The following AGAP1 variants were observed in gnomAD, a reference collection of about 807,000 sequenced individuals.
AGAP1 encodes the protein arf-GAP with GTPase, ANK repeat and PH domain-containing protein 1.
In AGAP1, 29 loss-of-function variants were observed where a neutral mutation model predicts 105.3. The observed-to-expected ratio is 0.28, with a 90% CI of 0.21 to 0.38. The LOEUF (loss-of-function observed/expected upper bound fraction) is 0.38, where lower values mean the gene tolerates loss of function less well. Among genes scored for constraint, AGAP1 ranks in the 10% least tolerant of loss-of-function variants. AGAP1 has a pLI of 1.00. For missense variants in AGAP1, 998 were observed against 1,165.1 expected (o/e 0.86, Z 2.09); for synonymous variants, 509 against 485.9 (o/e 1.05, Z -0.63).
At chr2:235,508,111 T>C (rs2149019596) in intron 1 of AGAP1, among the ~76,000 whole-genome samples, 1 of 152,246 alleles carries the variant, frequency 6.6e-6, no homozygotes, top group East Asian at 1.9e-4. Flanking sequence ...CAGGGCGTGA[T>C]CTCATTCTTT....
intron 1 of AGAP1, among the ~76,000 whole-genome samples, chr2:235,514,179 CACACAT>C (rs754148297): frequency 8.9e-4 from 136 of 152,338 alleles, no homozygotes; most frequent in Non-Finnish European, 1.6e-3. Flanking sequence ...CACACACACA[CACACAT>C]ACCTCCTCTC....
chr2:236,068,771 G>A lies in AGAP1; in HGVS notation c.2114+19490G>A, dbSNP rs1407398016. On this transcript the variant is annotated intron_variant, in intron 16 of 17. Transcript: ENST00000304032. Reference sequence around the variant, plus strand: ...GCCAAGATCGCGCCACTGCACTCCAGCCTGGGCGACAGCGAGACTCCGTCT... The same window carrying A: ...GCCAAGATCGCGCCACTGCACTCCAACCTGGGCGACAGCGAGACTCCGTCT... 2.1e-4 allele frequency among the ~76,000 whole-genome samples: 28 copies of A among 134,962 alleles called. No individual in the cohort carries two copies. The Admixed American group carries it at 2.3e-3, about 11-fold the overall frequency. The allele number at this position is 134,962 out of a possible 152,430, so 88.5% of individuals were successfully genotyped here. A position where few individuals can be genotyped will look rare whatever the true frequency, so the allele number is the denominator to read the frequency against.
intron 1 of AGAP1, among the ~76,000 whole-genome samples, chr2:235,532,544 A>G (rs1488845668): frequency 6.6e-6 from 1 of 152,192 alleles, no homozygotes; most frequent in Non-Finnish European, 1.5e-5. Context: ...TGTATCACAT[A>G]TGCAGTGGTT....
chr2:235,744,005 G>A lies in AGAP1; in HGVS notation c.397-693G>A, dbSNP rs1245781146. Among the ~76,000 whole-genome samples, 1 of 152,220 alleles carries A rather than the reference G, an allele frequency of 6.6e-6. No homozygotes were observed. Among genetic ancestry groups the A allele is most frequent in the Non-Finnish European group, 1.5e-5 (1 of 68,042 alleles). ...GGTATCTGTCAAAAGAGGATGTGAT[G>A]TAGGTTCAACTGGCAAGACAAGAAT... On this transcript the variant is annotated intron_variant, in intron 4 of 17. Coordinates refer to ENST00000304032, the MANE Select transcript of AGAP1 (RefSeq NM_001037131.3). This position sits in a 1 kb window ranked among gnomAD's most constrained non-coding sequence, Gnocchi z 5.2.
In AGAP1 at chr2:235,988,848, G is replaced by A. The variant is rs924574421; in HGVS notation, c.1645+20225G>A. Among the ~76,000 whole-genome samples the A allele has an allele frequency of 2.0e-5, 3 of 152,080 alleles. No homozygotes were observed. Among genetic ancestry groups the A allele is most frequent in the Non-Finnish European group, 4.4e-5 (3 of 68,008 alleles). On this transcript the variant is annotated intron_variant, in intron 13 of 17. Coordinates refer to ENST00000304032, the MANE Select transcript of AGAP1 (RefSeq NM_001037131.3). The surrounding 1 kb of genome is among the most constrained non-coding windows in gnomAD (Gnocchi z 4.7). ...GACTGGGCGTCACTGTCGCCTCCTT[G>A]ACTCTCATCACTCACATGGTCCCCC...
chr2:235,803,172 GTGGTGATGGTGATGATGGTTGTGGTGGTA>G, intron 8 of AGAP1, among the ~76,000 whole-genome samples: 1 of 137,500 alleles, frequency 7.3e-6, no homozygotes, highest in Non-Finnish European at 1.6e-5. Context: ...GGTTGTGGTT[GTGGTGATGGTGATGATGGTTGTGGTGGTA>G]GTGGTGGTGG....
At chr2:235,803,160 ATGGTTG>A (rs1438906523) in intron 8 of AGAP1, among the ~76,000 whole-genome samples, 11 of 143,536 alleles carry the variant, frequency 7.7e-5, no homozygotes, top group Non-Finnish European at 6.1e-5. Context: ...GATGGTGATG[ATGGTTG>A]TGGTTGTGGT....
chr2:235,567,547 G>C (rs953831715), intron 1 of AGAP1, among the ~76,000 whole-genome samples: 1 of 152,238 alleles, frequency 6.6e-6, no homozygotes, highest in Non-Finnish European at 1.5e-5. Context: ...TATGGGAGCT[G>C]TCTTTTCATG....
intron 13 of AGAP1, among the ~76,000 whole-genome samples, chr2:236,034,463 G>A (rs2057319769): frequency 6.6e-6 from 1 of 152,014 alleles, no homozygotes; most frequent in Non-Finnish European, 1.5e-5. Flanking sequence ...GCGGGGGTGG[G>A]GTGGTCATTT....
At chr2:236,110,271 G>A (rs1057257284) in intron 16 of AGAP1, among the ~76,000 whole-genome samples, 4 of 152,168 alleles carry the variant, frequency 2.6e-5, no homozygotes, top group Non-Finnish European at 5.9e-5. Context: ...CAAGGTGGGA[G>A]GATTGCTTGA....
rs897354463 is a variant in AGAP1, at chr2:235,716,092, A to C, written c.223-1465A>C. On this transcript the variant is annotated intron_variant, in intron 2 of 17. Coordinates refer to ENST00000304032, the MANE Select transcript of AGAP1 (RefSeq NM_001037131.3). This position sits in a 1 kb window ranked among gnomAD's most constrained non-coding sequence, Gnocchi z 4.0. Reference sequence around the variant, plus strand: ...TTTTTCCCCCCACATCCAACCTTCTATCAATGAGTTATGATTCCAGAGTCT... The same window carrying C: ...TTTTTCCCCCCACATCCAACCTTCTCTCAATGAGTTATGATTCCAGAGTCT... Among the ~76,000 whole-genome samples the C allele has an allele frequency of 3.3e-5, 5 of 152,186 alleles. No homozygotes were observed. Among genetic ancestry groups the C allele is most frequent in the Non-Finnish European group, 5.9e-5 (4 of 68,032 alleles).
At chr2:235,673,937 C>T (rs1948580224) in intron 1 of AGAP1, among the ~76,000 whole-genome samples, 2 of 152,182 alleles carry the variant, frequency 1.3e-5, no homozygotes, top group South Asian at 4.1e-4. Context: ...GAGTTAATTG[C>T]TTAGGCAAGG....
At chr2:235,653,501 T>A (rs200291929) in intron 1 of AGAP1, among the ~76,000 whole-genome samples, 1,299 of 19,794 alleles carry the variant, frequency 0.066, 20 homozygotes, top group African/African-American at 0.16. Context: ...AAATAAAATA[T>A]AACATAACAT....
rs1336255595 is a variant in AGAP1, at chr2:235,665,667, T to C, written c.164-43512T>C. ...GCTTCTTCTTACATGTATCTGTCAG[T>C]CAACTGGCTACCAGAAAATAGCCTT... is the stretch of plus-strand genomic sequence containing the variant. On this transcript the variant is annotated intron_variant, in intron 1 of 17. Transcript: ENST00000304032. The surrounding 1 kb of genome is among the most constrained non-coding windows in gnomAD (Gnocchi z 5.3). Among the ~76,000 whole-genome samples the C allele has an allele frequency of 6.6e-6, 1 of 152,192 alleles. No homozygotes were observed. The highest frequency in any genetic ancestry group is 1.5e-5 in the Non-Finnish European group (1 of 68,036).
chr2:235,569,330 G>A lies in AGAP1; in HGVS notation c.163+74481G>A, dbSNP rs1210187282. ...ACACCATCTCAAAAAAAAGGATCTT[G>A]GAGGAAGTACATGACCCCGAGTGGG... On this transcript the variant is annotated intron_variant, in intron 1 of 17. Transcript: ENST00000304032. This position sits in a 1 kb window ranked among gnomAD's most constrained non-coding sequence, Gnocchi z 5.9. 6.6e-6 allele frequency among the ~76,000 whole-genome samples: 1 copy of A among 152,072 alleles called. No individual in the cohort carries two copies. Among genetic ancestry groups the A allele is most frequent in the Non-Finnish European group, 1.5e-5 (1 of 68,000 alleles).
rs986896995 is a variant in AGAP1 at position 235,728,326 on chromosome 2, T to TGTGTGTGTGTGTGTGTGTGTGC, written c.310+10683_310+10684insTGTGTGTGTGTGTGTGTGTGCG. Reference sequence around the variant, plus strand: ...CTGTGTGTGTGTGTGTGTGTGTGTGTGCGTGCTCTTAAATCAATGTAAATT... The same window carrying TGTGTGTGTGTGTGTGTGTGTGC: ...CTGTGTGTGTGTGTGTGTGTGTGTGTGTGTGTGTGTGTGTGTGTGTGCGCGTGCTCTTAAATCAATGTAAATT... On this transcript the variant is annotated intron_variant, in intron 3 of 17. Coordinates refer to ENST00000304032, the MANE Select transcript of AGAP1 (RefSeq NM_001037131.3). This position sits in a 1 kb window ranked among gnomAD's most constrained non-coding sequence, Gnocchi z 4.3. 3.0e-4 allele frequency among the ~76,000 whole-genome samples: 45 copies of TGTGTGTGTGTGTGTGTGTGTGC among 151,742 alleles called. No individual in the cohort carries two copies. Among genetic ancestry groups the TGTGTGTGTGTGTGTGTGTGTGC allele is most frequent in the African/African-American group, 1.1e-3 (44 of 41,204 alleles).
chr2:235,845,419 A>G lies in AGAP1; in HGVS notation c.1051-37926A>G, dbSNP rs540785316. 6.6e-6 allele frequency among the ~76,000 whole-genome samples: 1 copy of G among 152,144 alleles called. No individual in the cohort carries two copies. The highest frequency in any genetic ancestry group is 2.1e-4 in the South Asian group (1 of 4,806). Reference sequence around the variant, plus strand: ...AAGCAGAAAATCATATGATACCCTGAGTTCCTGAGTCAGCAAACGGAATGG... The same window carrying G: ...AAGCAGAAAATCATATGATACCCTGGGTTCCTGAGTCAGCAAACGGAATGG... On this transcript the variant is annotated intron_variant, in intron 9 of 17. Transcript: ENST00000304032. The surrounding 1 kb of genome is among the most constrained non-coding windows in gnomAD (Gnocchi z 4.8).
At chr2:235,527,854 G>A (rs1284821518) in intron 1 of AGAP1, among the ~76,000 whole-genome samples, 1 of 152,142 alleles carries the variant, frequency 6.6e-6, no homozygotes, top group Non-Finnish European at 1.5e-5. Flanking sequence ...GAACAGAGAG[G>A]CTCCTGTGTA....
chr2:235,619,017 T>C (rs1441293635), intron 1 of AGAP1, among the ~76,000 whole-genome samples: 1 of 152,146 alleles, frequency 6.6e-6, no homozygotes, highest in Non-Finnish European at 1.5e-5. Flanking sequence ...GCTGGAGTGA[T>C]GGAGCCATGA....
Sources: gnomAD v4.1 joint callset for allele counts (sites outside exome capture counted in the v4.1 genomes callset) on GRCh38, gnomAD v4.1.1 for gene constraint, Gnocchi (gnomAD v3.1) non-coding constraint, MANE v1.5 for transcripts, NCBI Gene and HGNC (gene_info 2026-07-23, HGNC 2026-07-21) for gene names.